UNC13C: variants seen among roughly 807,000 people sequenced by gnomAD.
UNC13C encodes the protein unc-13 homolog C, also known as protein unc-13 homolog C.
Under a neutral mutation model 245.4 loss-of-function variants are expected in UNC13C, and 174 were observed. That is an observed-to-expected ratio of 0.71 (90% confidence interval 0.63 to 0.80). The LOEUF is 0.80. Among genes scored for constraint, UNC13C ranks in the 30% least tolerant of loss-of-function variants. The pLI, the probability that UNC13C is intolerant of heterozygous loss-of-function variation, is 0.00. For synonymous variants in UNC13C, 992 were observed against 895.1 expected (o/e 1.11, Z -1.93); for missense variants, 2,829 against 2,602.9 (o/e 1.09, Z -1.89).
chr15:54,461,200 C>A (rs1392228809), intron 19 of UNC13C, among the ~76,000 whole-genome samples: 1 of 152,062 alleles, frequency 6.6e-6, no homozygotes, highest in Non-Finnish European at 1.5e-5. Flanking sequence ...ATAGGTTGAG[C>A]ATCCCAAATC....
intron 4 of UNC13C, among the ~76,000 whole-genome samples, chr15:54,208,615 G>T (rs929593280): frequency 4.6e-5 from 7 of 152,048 alleles, no homozygotes; most frequent in Non-Finnish European, 8.8e-5. Context: ...TATGATGTGT[G>T]TATGATGGTC....
At chr15:53,946,666 A>C in the UNC13C span, among the ~76,000 whole-genome samples, 3 of 126,830 alleles carry the variant, frequency 2.4e-5, no homozygotes, top group East Asian at 5.1e-4. Flanking sequence ...GGTTGCAGTG[A>C]GCTGAGGTTT....
the UNC13C span, among the ~76,000 whole-genome samples, chr15:53,839,763 G>A: frequency 6.6e-6 from 1 of 151,484 alleles, no homozygotes; most frequent in Non-Finnish European, 1.5e-5. Context: ...TGCCTTCATT[G>A]GATTGATCAT....
chr15:54,630,323 A>AATT (rs1423288272), downstream of UNC13C: 2 of 152,190 alleles, frequency 1.3e-5, no homozygotes, highest in Admixed American at 6.6e-5. Context: ...TTATAACTTG[A>AATT]ATTTATCTTA....
chr15:54,582,476 A>G (rs1375403862), intron 30 of UNC13C, among the ~76,000 whole-genome samples: 1 of 152,220 alleles, frequency 6.6e-6, no homozygotes, highest in Non-Finnish European at 1.5e-5. Context: ...AATCCTGTGC[A>G]GCCTTTGCAA....
intron 4 of UNC13C, among the ~76,000 whole-genome samples, chr15:54,154,119 A>G (rs1477927508): frequency 6.6e-6 from 1 of 152,014 alleles, no homozygotes; most frequent in Non-Finnish European, 1.5e-5. Flanking sequence ...CAACTGATTT[A>G]TTGAGCACTA....
chr15:54,441,506 A>AT lies in UNC13C; in HGVS notation c.4933+26440dup, dbSNP rs912858789. 4.6e-5 allele frequency among the ~76,000 whole-genome samples: 7 copies of AT among 152,166 alleles called. 1 individual carries two copies. Among genetic ancestry groups the AT allele is most frequent in the East Asian group, 1.9e-4 (1 of 5,170 alleles). The stretch of plus-strand genomic sequence containing the variant: ...TATCAAAAATCACTTAGCTATAAAT[A>AT]TGTGAATATATTTTAGGGTTCTCTA... On this transcript the variant is annotated intron_variant, in intron 19 of 32. Transcript: ENST00000260323.
At position 54,036,362 on chromosome 15, in the gene UNC13C, A is replaced by T. The variant is rs996187612; in HGVS notation, c.2983+20476A>T. Among the ~76,000 whole-genome samples, 39 of 152,236 alleles carry T rather than the reference A, an allele frequency of 2.6e-4. 1 individual carries two copies. Among genetic ancestry groups the T allele is most frequent in the Non-Finnish European group, 5.1e-4 (35 of 68,044 alleles). On this transcript the variant is annotated intron_variant, in intron 2 of 32. Coordinates refer to ENST00000260323, the MANE Select transcript of UNC13C (RefSeq NM_001080534.3). ...CCCACAACAAAGAATGATCTGGTGC[A>T]GATGGAGAAATCCTGATGTTGTTCA... is the stretch of plus-strand genomic sequence containing the variant.
intron 19 of UNC13C, among the ~76,000 whole-genome samples, chr15:54,487,197 C>T (rs1319388750): frequency 6.6e-6 from 1 of 152,108 alleles, no homozygotes; most frequent in East Asian, 1.9e-4. Flanking sequence ...CCCAGGGATC[C>T]TGGATTCATT....
At chr15:54,217,806 C>T (rs960054700) in intron 4 of UNC13C, among the ~76,000 whole-genome samples, 11 of 151,844 alleles carry the variant, frequency 7.2e-5, no homozygotes, top group Non-Finnish European at 1.6e-4. Flanking sequence ...GACTTAAGTT[C>T]TTGCTGACTA....
intron 2 of UNC13C, chr15:54,048,479 G>A: frequency 3.3e-6 from 2 of 605,672 alleles, no homozygotes; most frequent in South Asian, 1.4e-5. Flanking sequence ...CTGAAGAAGT[G>A]CTATTTCAGC....
intron 2 of UNC13C, among the ~76,000 whole-genome samples, chr15:54,130,395 C>T (rs1270345234): frequency 1.2e-4 from 18 of 147,590 alleles, no homozygotes; most frequent in Non-Finnish European, 2.5e-4. Context: ...CGGGTTCACG[C>T]CATTCTCCTG....
intron 2 of UNC13C, among the ~76,000 whole-genome samples, chr15:54,085,700 G>C (rs1163977562): frequency 6.6e-6 from 1 of 151,882 alleles, no homozygotes; most frequent in Admixed American, 6.6e-5. Context: ...TCTTGCCTTG[G>C]CCTCCCAAAG....
chr15:54,226,641 G>T (rs971644629), intron 4 of UNC13C, among the ~76,000 whole-genome samples: 1 of 152,190 alleles, frequency 6.6e-6, no homozygotes, highest in African/African-American at 2.4e-5. Context: ...GAGTGGCAAG[G>T]GGTGTGTTGG....
At chr15:54,443,959 T>G (rs1030640500) in intron 19 of UNC13C, among the ~76,000 whole-genome samples, 2 of 152,014 alleles carry the variant, frequency 1.3e-5, no homozygotes, top group Non-Finnish European at 2.9e-5. Context: ...GTGTATTTGT[T>G]AATTTTCTGT....
chr15:54,492,196 A>C (rs992240221), intron 19 of UNC13C, among the ~76,000 whole-genome samples: 1 of 152,172 alleles, frequency 6.6e-6, no homozygotes, highest in African/African-American at 2.4e-5. Context: ...ACAAAGGTTC[A>C]ATTTAAACTT....
At chr15:53,959,034 G>A in the UNC13C span, among the ~76,000 whole-genome samples, 3 of 152,098 alleles carry the variant, frequency 2.0e-5, no homozygotes, top group Non-Finnish European at 2.9e-5. Context: ...ACATATAGGC[G>A]AGAATGTGAA....
At chr15:54,316,305 A>G (rs1285633090) in intron 13 of UNC13C, among the ~76,000 whole-genome samples, 1 of 151,822 alleles carries the variant, frequency 6.6e-6, no homozygotes, top group Admixed American at 6.6e-5. Flanking sequence ...GCTGGAGTTC[A>G]CTTTACACAA....
At chr15:54,357,739 C>T (rs911083068) in intron 17 of UNC13C, among the ~76,000 whole-genome samples, 2 of 152,010 alleles carry the variant, frequency 1.3e-5, no homozygotes, top group African/African-American at 4.8e-5. Context: ...AAACACATTC[C>T]TTCAACCTTT....
Sources: allele counts gnomAD v4.1 joint callset (sites outside exome capture counted in the v4.1 genomes callset), GRCh38; gene constraint gnomAD v4.1.1; transcripts MANE v1.5; gene names NCBI Gene and HGNC (gene_info 2026-07-23, HGNC 2026-07-21).